DCDC2C: variants seen among roughly 807,000 people sequenced by gnomAD.
The protein encoded by DCDC2C is doublecortin domain containing 2C, also known as doublecortin domain-containing protein 2C.
DCDC2C carries 44 observed loss-of-function variants against 45.0 expected under a neutral mutation model. The ratio of observed to expected loss-of-function variants is 0.98; its 90% confidence interval spans 0.77 to 1.26. The LOEUF is 1.26. DCDC2C is among the 50% of genes most tolerant of loss of function. The probability of loss-of-function intolerance (pLI) is 0.00; values close to 1 mark genes in which losing one functional copy is unlikely to be tolerated. For missense variants in DCDC2C, 447 were observed against 468.9 expected (o/e 0.95, Z 0.43); for synonymous variants, 187 against 178.8 (o/e 1.05, Z -0.37).
chr2:3,746,394 C>A (rs1406238858), intron 4 of DCDC2C, among the ~76,000 whole-genome samples: 1 of 152,114 alleles, frequency 6.6e-6, no homozygotes, highest in Non-Finnish European at 1.5e-5. Context: ...TGGGGACGAG[C>A]ACGACCCACT....
At chr2:3,733,214 G>A (rs909238820) in intron 3 of DCDC2C, among the ~76,000 whole-genome samples, 1 of 152,254 alleles carries the variant, frequency 6.6e-6, no homozygotes, top group Non-Finnish European at 1.5e-5. Context: ...GAAGGGTCCA[G>A]TGTAAGCTGT....
intron 6 of DCDC2C, among the ~76,000 whole-genome samples, chr2:3,762,162 CTTTT>C (rs56067833): frequency 7.8e-6 from 1 of 127,636 alleles, no homozygotes. Context: ...TTGCTTGAAC[CTTTT>C]TTTTTTTTTT....
intron 10 of DCDC2C, among the ~76,000 whole-genome samples, chr2:3,801,188 A>T (rs1448755607): frequency 6.6e-6 from 1 of 152,240 alleles, no homozygotes; most frequent in Non-Finnish European, 1.5e-5. Context: ...GACTCACTGA[A>T]GGAGGAGTTC....
In DCDC2C at chr2:3,761,444, A is replaced by G. The variant is rs1308933105; in HGVS notation, c.727-6310A>G. ...GCATGTGCATACCAGACTGAGACCC[A>G]CACTTTAATAACCTGTTCTGAACAG... On this transcript the variant is annotated intron_variant, in intron 6 of 10. Transcript: ENST00000399143. This position sits in a 1 kb window ranked among gnomAD's most constrained non-coding sequence, Gnocchi z 4.3. Among the ~76,000 whole-genome samples, 1 of 152,202 alleles carries G rather than the reference A, an allele frequency of 6.6e-6. No individual in the cohort carries two copies. The highest frequency in any genetic ancestry group is 1.5e-5 in the Non-Finnish European group (1 of 68,044).
At chr2:3,747,661 G>C (rs1379497943) in intron 4 of DCDC2C, among the ~76,000 whole-genome samples, 1 of 152,240 alleles carries the variant, frequency 6.6e-6, no homozygotes, top group East Asian at 1.9e-4. Flanking sequence ...TCTCGCAGTA[G>C]AAGTGATATC....
In DCDC2C at chr2:3,811,295, C is replaced by T. The variant is rs1336928642; in HGVS notation, c.1065+26195C>T. ...TAGTTCTCCTTGAAGAGGTCCTTCA[C>T]GTCCCTTGTAAATTGTATTCCTAGG... On this transcript the variant is annotated intron_variant, in intron 10 of 10. Coordinates refer to ENST00000399143, the MANE Select transcript of DCDC2C (RefSeq NM_001287444.2). 3.3e-5 allele frequency among the ~76,000 whole-genome samples: 5 copies of T among 152,128 alleles called. No homozygotes were observed. The South Asian group carries it at 8.3e-4, about 25-fold the overall frequency.
intron 2 of DCDC2C, among the ~76,000 whole-genome samples, chr2:3,717,993 A>G (rs910322399): frequency 1.7e-4 from 26 of 152,186 alleles, no homozygotes; most frequent in Admixed American, 1.7e-3. Flanking sequence ...CTTCCATGGC[A>G]CCCATGCTGG....
At chr2:3,740,546 A>G (rs765487610) in intron 3 of DCDC2C, among the ~76,000 whole-genome samples, 6 of 152,264 alleles carry the variant, frequency 3.9e-5, no homozygotes, top group Non-Finnish European at 8.8e-5. Context: ...TTTTATTCCT[A>G]TTAGTAATCT....
At chr2:3,806,221 T>A (rs190346775) in intron 10 of DCDC2C, among the ~76,000 whole-genome samples, 1 of 152,346 alleles carries the variant, frequency 6.6e-6, no homozygotes, top group Non-Finnish European at 1.5e-5. Flanking sequence ...TGTTTGATGC[T>A]TTCAAGGACG....
chr2:3,709,851 G>T (rs1022285439), intron 2 of DCDC2C, among the ~76,000 whole-genome samples: 2 of 152,150 alleles, frequency 1.3e-5, no homozygotes, highest in Non-Finnish European at 2.9e-5. Context: ...GGACAGGGAG[G>T]AAATTTCAGA....
chr2:3,728,114 C>T lies in DCDC2C; in HGVS notation c.416+1035C>T, dbSNP rs1001935690. Among the ~76,000 whole-genome samples, 13 of 152,270 alleles carry T rather than the reference C, an allele frequency of 8.5e-5. No individual in the cohort carries two copies. The South Asian group carries it at 1.2e-3, about 15-fold the overall frequency. On this transcript the variant is annotated intron_variant, in intron 3 of 10. Transcript: ENST00000399143. Reference sequence around the variant, plus strand: ...GTGTGAGCCAGAGTCACCTCTACCACGTCCCCTCGCAGTCCCGAGAGGCAA... The same window carrying T: ...GTGTGAGCCAGAGTCACCTCTACCATGTCCCCTCGCAGTCCCGAGAGGCAA...
chr2:3,730,507 A>C (rs1369886659), intron 3 of DCDC2C, among the ~76,000 whole-genome samples: 1 of 152,062 alleles, frequency 6.6e-6, no homozygotes, highest in Non-Finnish European at 1.5e-5. Context: ...AACAAAAAAC[A>C]AAAGGAACTG....
chr2:3,807,819 A>C (rs1379603738), intron 10 of DCDC2C, among the ~76,000 whole-genome samples: 3 of 152,002 alleles, frequency 2.0e-5, no homozygotes, highest in African/African-American at 7.3e-5. Flanking sequence ...CATAGGCTGG[A>C]ATTATGGAGC....
In DCDC2C at chr2:3,704,733, G is replaced by A. The variant is rs1572543743; in HGVS notation, c.287+695G>A. On this transcript the variant is annotated intron_variant, in intron 1 of 10. Transcript: ENST00000399143. Reference sequence around the variant, plus strand: ...GAGGGGGGAGGGGCGTGGGGGGGAGGGGCGTGGGGGGCAGGGCCTGGGAAT... The same window carrying A: ...GAGGGGGGAGGGGCGTGGGGGGGAGAGGCGTGGGGGGCAGGGCCTGGGAAT... Among the ~76,000 whole-genome samples the A allele has an allele frequency of 5.1e-5, 7 of 136,654 alleles. No homozygotes were observed. The South Asian group carries it at 1.8e-3, about 36-fold the overall frequency. 89.7% of individuals were successfully genotyped at this position (136,654 alleles called of 152,430 possible).
intron 3 of DCDC2C, among the ~76,000 whole-genome samples, chr2:3,732,105 G>A (rs116439826): frequency 1.3e-4 from 20 of 152,290 alleles, no homozygotes; most frequent in African/African-American, 4.6e-4. Flanking sequence ...CGAGATGGAG[G>A]GAAACAGGGA....
At chr2:3,810,951 G>A (rs962040706) in intron 10 of DCDC2C, among the ~76,000 whole-genome samples, 6 of 152,088 alleles carry the variant, frequency 3.9e-5, no homozygotes, top group Admixed American at 3.3e-4. Flanking sequence ...GTCTGTTTTG[G>A]TACCAGTACC....
At chr2:3,820,155 C>T (rs1269416828) in intron 10 of DCDC2C, among the ~76,000 whole-genome samples, 1 of 152,100 alleles carries the variant, frequency 6.6e-6, no homozygotes. Flanking sequence ...CACCTCAGAC[C>T]ATTTGCCCAT....
intron 6 of DCDC2C, among the ~76,000 whole-genome samples, chr2:3,758,135 G>T (rs919003031): frequency 2.1e-4 from 32 of 152,372 alleles, no homozygotes; most frequent in African/African-American, 7.7e-4. Context: ...CTGAAAAACT[G>T]TGACATTCCC....
chr2:3,731,974 G>T (rs1261292528), intron 3 of DCDC2C, among the ~76,000 whole-genome samples: 2 of 152,130 alleles, frequency 1.3e-5, no homozygotes, highest in Non-Finnish European at 1.5e-5. Flanking sequence ...TCAGTTTCAG[G>T]ACTGAGTACG....
Sources: gnomAD v4.1 joint callset for allele counts (sites outside exome capture counted in the v4.1 genomes callset) on GRCh38, gnomAD v4.1.1 for gene constraint, Gnocchi (gnomAD v3.1) non-coding constraint, MANE v1.5 for transcripts, NCBI Gene and HGNC (gene_info 2026-07-23, HGNC 2026-07-21) for gene names.